IFNAR2: variants seen among roughly 807,000 people sequenced by gnomAD.
IFNAR2 encodes the protein interferon alpha and beta receptor subunit 2, also known as interferon alpha/beta receptor 2.
IFNAR2 carries 30 observed loss-of-function variants against 49.4 expected under a neutral mutation model. The ratio of observed to expected loss-of-function variants is 0.61; its 90% CI spans 0.45 to 0.82. The LOEUF (loss-of-function observed/expected upper bound fraction) is 0.82, where lower values mean the gene tolerates loss of function less well. Among genes scored for constraint, IFNAR2 ranks in the 40% least tolerant of loss-of-function variants. The pLI, the probability that IFNAR2 is intolerant of heterozygous loss-of-function variation, is 0.00. For synonymous variants in IFNAR2, 224 were observed against 234.5 expected, an observed-to-expected ratio of 0.96 and a Z score of 0.41; for missense variants, 600 against 622.7, an observed-to-expected ratio of 0.96 and a Z score of 0.39.
intron 2 of IFNAR2, among the ~76,000 whole-genome samples, chr21:33,242,605 C>T (rs1324641943): frequency 6.7e-6 from 1 of 148,346 alleles, no homozygotes; most frequent in African/African-American, 2.5e-5. Flanking sequence ...TGGTGGCGGG[C>T]GCCTGTAGTC....
At position 33,245,480 on chromosome 21, in the gene IFNAR2, T is replaced by C. The variant is rs7280660; in HGVS notation, c.221+406T>C. 3.5e-3 allele frequency among the ~76,000 whole-genome samples: 531 copies of C among 152,384 alleles called. 9 individuals carry two copies. Among genetic ancestry groups the C allele is most frequent in the African/African-American group, 0.012 (500 of 41,594 alleles). On this transcript the variant is annotated intron_variant, in intron 4 of 8. Coordinates refer to ENST00000342136, the MANE Select transcript of IFNAR2 (RefSeq NM_001289125.3). ...CCATATTGATGGTTTATGTTCACTT[T>C]TCTTTACTCTGGTGGGACACCAGAA...
rs1481323660 is a variant in IFNAR2 at position 33,234,236 on chromosome 21, AAGAT to A, written c.-84+4021_-84+4024del. Among the ~76,000 whole-genome samples, 17 of 127,626 alleles carry A rather than the reference AAGAT, an allele frequency of 1.3e-4. No homozygotes were observed. In the East Asian group the frequency reaches 3.6e-3, roughly 27 times the overall value. The allele number at this position is 127,626 out of a possible 152,430, so 83.7% of individuals were successfully genotyped here. ...GTGTGTGTGTGTGTTTATGCATAGA[AAGAT>A]CTGTGGGATTATGTTCGCCTAATAT... On this transcript the variant is annotated intron_variant, in intron 1 of 8. Coordinates refer to ENST00000342136, the MANE Select transcript of IFNAR2 (RefSeq NM_001289125.3).
chr21:33,253,107 C>G (rs1311632106), intron 7 of IFNAR2, among the ~76,000 whole-genome samples: 1 of 152,142 alleles, frequency 6.6e-6, no homozygotes, highest in East Asian at 1.9e-4. Context: ...TTAAATTCAG[C>G]ACTGTGTGCC....
rs1442501004 is a variant in IFNAR2, at chr21:33,263,511, A to G, written c.*11A>G. ...TATATAATGAGATGACTCCAAAACT[A>G]TTGAATGAACTTGGACAGACAAGCA... is the stretch of plus-strand genomic sequence containing the variant. On this transcript the variant is annotated 3_prime_UTR_variant, in exon 9 of 9. Transcript: ENST00000342136. The G allele has an allele frequency of 6.3e-7, 1 of 1,592,988 alleles. No individual in the cohort carries two copies. Among genetic ancestry groups the G allele is most frequent in the South Asian group, 1.1e-5 (1 of 89,374 alleles).
intron 7 of IFNAR2, among the ~76,000 whole-genome samples, chr21:33,257,303 G>C (rs572742168): frequency 6.6e-6 from 1 of 152,156 alleles, no homozygotes; most frequent in Non-Finnish European, 1.5e-5. Flanking sequence ...CCTGGTGAGC[G>C]TTAACAGCTC....
In IFNAR2 at chr21:33,252,740, T is replaced by G; in HGVS notation, c.619T>G (p.Cys207Gly). ...CAAGTTAATTCCAAACACGAACTACTGTGTATCTGTTTATTTAGAGCACAG... is the reference window on the plus strand; with the variant it reads ...CAAGTTAATTCCAAACACGAACTACGGTGTATCTGTTTATTTAGAGCACAG... ...IDKLIPNTNY[C>G]VSVYLEHSDE... The change falls in exon 7 of 9, where the codon TGT becomes GGT. Residue 207 changes from cysteine (C) to glycine (G), a missense_variant. Physicochemically the swap from Cys to Gly is radical, Grantham distance 159 (BLOSUM62 -3). Coordinates refer to ENST00000342136, the MANE Select transcript of IFNAR2 (RefSeq NM_001289125.3). The G allele has an allele frequency of 6.2e-7, 1 of 1,613,320 alleles. No homozygotes were observed. The highest frequency in any genetic ancestry group is 1.1e-5 in the South Asian group (1 of 91,062).
Position 33,241,993 on chromosome 21 carries a change from T to C in IFNAR2, c.55+16T>C. 1 of 1,608,392 alleles carries C rather than the reference T, an allele frequency of 6.2e-7. No individual in the cohort carries two copies. On this transcript the variant is annotated intron_variant, in intron 2 of 8. Transcript: ENST00000342136. ...GTTCTCATGGGTAAGTGCTGCTTTT[T>C]ATCTTAGCTCTTATAGAAGCAAGCT...
intron 8 of IFNAR2, among the ~76,000 whole-genome samples, chr21:33,261,245 C>T (rs989313394): frequency 1.3e-5 from 2 of 151,940 alleles, no homozygotes; most frequent in African/African-American, 4.8e-5. Context: ...CTATGTTGGC[C>T]AGGCTGGTCT....
At chr21:33,246,072 A>ATTT (rs35111583) in intron 4 of IFNAR2, among the ~76,000 whole-genome samples, 13 of 139,554 alleles carry the variant, frequency 9.3e-5, no homozygotes, top group Non-Finnish European at 1.4e-4. Flanking sequence ...TCATCCGGCA[A>ATTT]TTTTTTTTTT....
At chr21:33,238,323 G>A (rs1986635541) in intron 1 of IFNAR2, among the ~76,000 whole-genome samples, 2 of 149,398 alleles carry the variant, frequency 1.3e-5, no homozygotes, top group African/African-American at 4.8e-5. Flanking sequence ...AAACTGTCAT[G>A]GTAAATTCTT....
At chr21:33,261,823 C>G (rs910216102) in intron 8 of IFNAR2, among the ~76,000 whole-genome samples, 1 of 152,110 alleles carries the variant, frequency 6.6e-6, no homozygotes, top group Non-Finnish European at 1.5e-5. Context: ...CTGCAGTGAG[C>G]TGTGATTGCG....
intron 1 of IFNAR2, among the ~76,000 whole-genome samples, chr21:33,237,865 G>A (rs1181212516): frequency 2.0e-5 from 3 of 152,132 alleles, no homozygotes; most frequent in African/African-American, 2.4e-5. Context: ...CTTGAACTTC[G>A]TCTTGTGAAG....
In IFNAR2 at chr21:33,248,832, A is replaced by T; in HGVS notation, c.518A>T (p.Gln173Leu). ...GATTTATCTCTCGTCATTGAAGAAC[A>T]GTCAGAGGGAATTGTTAAGAAGGTA... The part of the protein sequence containing the change: ...QFDLSLVIEE[Q>L]SEGIVKKHKP... The change falls in exon 6 of 9, where the codon CAG becomes CTG. Residue 173 changes from glutamine (Q) to leucine (L), a missense_variant. Gln to Leu is a moderately radical substitution (Grantham distance 113). Transcript: ENST00000342136. 1 of 1,605,590 alleles carries T rather than the reference A, an allele frequency of 6.2e-7. No homozygotes were observed. The highest frequency in any genetic ancestry group is 8.5e-7 in the Non-Finnish European group (1 of 1,176,774).
In IFNAR2 at chr21:33,263,023, C is replaced by G; in HGVS notation, c.1071C>G (p.Ser357=). 6.2e-7 allele frequency: 1 copy of G among 1,614,138 alleles called. No individual in the cohort carries two copies. Among genetic ancestry groups the G allele is most frequent in the Non-Finnish European group, 8.5e-7 (1 of 1,180,024 alleles). The change falls in exon 9 of 9, where the codon TCC becomes TCG. Residue 357 remains serine, a synonymous_variant. Transcript: ENST00000342136. ...LGQASATSTE[S]QLIDPESEEE... ...AGGCCTCTGCCACCTCTACAGAATC[C>G]CAGTTGATAGACCCGGAGTCCGAGG... is the stretch of plus-strand genomic sequence containing the variant.
Position 33,242,757 on chromosome 21 carries a change from G to T in IFNAR2, c.55+780G>T, listed in dbSNP as rs1987054055. ...AAAAAAAAAAAAAAAAATCTCGTGT[G>T]CGTGTGTGTGTGTGTGTGTGTGTGT... is the stretch of plus-strand genomic sequence containing the variant. On this transcript the variant is annotated intron_variant, in intron 2 of 8. Transcript: ENST00000342136. Among the ~76,000 whole-genome samples, 2 of 6,288 alleles carry T rather than the reference G, an allele frequency of 3.2e-4. 1 individual carries two copies. The highest frequency in any genetic ancestry group is 5.9e-4 in the Non-Finnish European group (2 of 3,366). The allele number at this position is 6,288 out of a possible 152,430, so 4.1% of individuals were successfully genotyped here. A position where few individuals can be genotyped will look rare whatever the true frequency, so the allele number is the denominator to read the frequency against.
At chr21:33,234,217 G>GTGTGTGTGTGTGTA (rs1215944066) in intron 1 of IFNAR2, among the ~76,000 whole-genome samples, 2 of 151,624 alleles carry the variant, frequency 1.3e-5, no homozygotes, top group East Asian at 3.9e-4. Flanking sequence ...GTGTGTGTGT[G>GTGTGTGTGTGTGTA]TGTGTGTTTA....
chr21:33,238,489 A>C (rs963012884), intron 1 of IFNAR2, among the ~76,000 whole-genome samples: 2 of 152,166 alleles, frequency 1.3e-5, no homozygotes, highest in Non-Finnish European at 2.9e-5. Flanking sequence ...TGGGGACAGA[A>C]TATCTGAGAG....
In IFNAR2 at chr21:33,231,787, G is replaced by A. The variant is rs1464688497; in HGVS notation, c.-84+1571G>A. ...GACAAAGTCTCGCTCTGTCGCGCAGGCTGGAGTGCAGTGGCACTGTCTTGG... is the reference window on the plus strand; with the variant it reads ...GACAAAGTCTCGCTCTGTCGCGCAGACTGGAGTGCAGTGGCACTGTCTTGG... On this transcript the variant is annotated intron_variant, in intron 1 of 8. Coordinates refer to ENST00000342136, the MANE Select transcript of IFNAR2 (RefSeq NM_001289125.3). The A allele has an allele frequency of 9.5e-6, 6 of 629,152 alleles. No homozygotes were observed. In the East Asian group the frequency reaches 5.6e-4, roughly 59 times the overall value. The allele number at this position is 629,152 out of a possible 1,614,324, so 39.0% of individuals were successfully genotyped here. A position where few individuals can be genotyped will look rare whatever the true frequency, so the allele number is the denominator to read the frequency against.
At chr21:33,252,120 A>G in intron 6 of IFNAR2, 1 of 398,418 alleles carries the variant, frequency 2.5e-6, no homozygotes, top group Non-Finnish European at 5.1e-6. Context: ...ATCTATCTAT[A>G]TCTGTCTATT....
Sources: allele counts gnomAD v4.1 joint callset (sites outside exome capture counted in the v4.1 genomes callset), GRCh38; gene constraint gnomAD v4.1.1; transcripts MANE v1.5; gene names NCBI Gene and HGNC (gene_info 2026-07-23, HGNC 2026-07-21).